ENTREP2: variants seen among roughly 807,000 people sequenced by gnomAD.
ENTREP2 encodes the protein protein ENTREP2.
the ENTREP2 span, among the ~76,000 whole-genome samples, chr15:29,369,264 A>T: frequency 6.6e-5 from 10 of 152,174 alleles, no homozygotes; most frequent in African/African-American, 2.2e-4. Flanking sequence ...ACTCAAAGAG[A>T]TCCATGCCTA....
chr15:29,190,108 CT>C, the ENTREP2 span, among the ~76,000 whole-genome samples: 1 of 152,188 alleles, frequency 6.6e-6, no homozygotes, highest in Non-Finnish European at 1.5e-5. Context: ...CCACCAGGAC[CT>C]GCTCAGGAAC....
chr15:29,235,128 C>T, the ENTREP2 span: 5 of 989,218 alleles, frequency 5.1e-6, no homozygotes, highest in Admixed American at 1.8e-5. Context: ...CAGGAGCCAC[C>T]CCGAGACATG....
At chr15:29,268,231 A>G in the ENTREP2 span, 1 of 152,338 alleles carries the variant, frequency 6.6e-6, no homozygotes, top group Non-Finnish European at 1.5e-5. Flanking sequence ...CGTGTTTAGC[A>G]GCAGAGCTGA....
the ENTREP2 span, among the ~76,000 whole-genome samples, chr15:29,219,623 AT>A: frequency 6.0e-5 from 1 of 16,712 alleles, no homozygotes; most frequent in African/African-American, 1.6e-4. Flanking sequence ...AAATATATAT[AT>A]ATATATATAT....
At chr15:29,123,739 G>C in the ENTREP2 span, 2 of 1,377,936 alleles carry the variant, frequency 1.5e-6, no homozygotes. Flanking sequence ...TGCTCGGGAG[G>C]AGCCTCCTGC....
chr15:29,224,833 G>A, the ENTREP2 span, among the ~76,000 whole-genome samples: 8 of 152,224 alleles, frequency 5.3e-5, no homozygotes, highest in Non-Finnish European at 8.8e-5. Flanking sequence ...ACTGGGCACC[G>A]TGGAGCAGGG....
the ENTREP2 span, among the ~76,000 whole-genome samples, chr15:29,231,895 T>C: frequency 7.2e-6 from 1 of 138,696 alleles, no homozygotes; most frequent in African/African-American, 2.5e-5. Flanking sequence ...CTTTTCTTTC[T>C]TTTTTTTTTT....
the ENTREP2 span, among the ~76,000 whole-genome samples, chr15:29,360,869 C>A: frequency 2.0e-5 from 3 of 152,234 alleles, no homozygotes; most frequent in African/African-American, 7.2e-5. Flanking sequence ...CCTGGACAGG[C>A]TGAGCCGCCT....
chr15:29,476,528 C>A, the ENTREP2 span, among the ~76,000 whole-genome samples: 1 of 152,210 alleles, frequency 6.6e-6, no homozygotes, highest in African/African-American at 2.4e-5. Flanking sequence ...CATCCCTCTT[C>A]GTGGTCCAGC....
the ENTREP2 span, among the ~76,000 whole-genome samples, chr15:29,635,967 T>C: frequency 6.6e-6 from 1 of 152,106 alleles, no homozygotes; most frequent in Non-Finnish European, 1.5e-5. Flanking sequence ...AGAACATAAA[T>C]CTATTTGACA....
At chr15:29,135,719 C>T in the ENTREP2 span, among the ~76,000 whole-genome samples, 2 of 152,224 alleles carry the variant, frequency 1.3e-5, no homozygotes, top group South Asian at 4.1e-4. This position sits in a 1 kb window ranked among gnomAD's most constrained non-coding sequence, Gnocchi z 7.4. Context: ...ACGTGTCAGG[C>T]ACCATGAGGC....
At chr15:29,452,584 T>C in the ENTREP2 span, 1 of 129,396 alleles carries the variant, frequency 7.7e-6, no homozygotes, top group Non-Finnish European at 1.8e-5. Flanking sequence ...CTCTGAGTCC[T>C]AAGTGCAGAT....
At chr15:29,382,772 A>G in the ENTREP2 span, among the ~76,000 whole-genome samples, 1 of 152,014 alleles carries the variant, frequency 6.6e-6, no homozygotes, top group Non-Finnish European at 1.5e-5. Flanking sequence ...ACTGGCTCTG[A>G]TCCCCACATT....
the ENTREP2 span, among the ~76,000 whole-genome samples, chr15:29,433,823 C>G: frequency 6.6e-6 from 1 of 150,920 alleles, no homozygotes. Context: ...GCCCTAGGAT[C>G]TGTGCATTCT....
chr15:29,606,201 G>A, the ENTREP2 span, among the ~76,000 whole-genome samples: 11 of 150,330 alleles, frequency 7.3e-5, no homozygotes, highest in Admixed American at 4.0e-4. Flanking sequence ...TGGGCTAGTC[G>A]AATTTCCCAT....
chr15:29,390,640 G>A, the ENTREP2 span, among the ~76,000 whole-genome samples: 2 of 152,174 alleles, frequency 1.3e-5, no homozygotes, highest in Non-Finnish European at 2.9e-5. Context: ...GGAAATAATG[G>A]CATCCTTAGA....
the ENTREP2 span, among the ~76,000 whole-genome samples, chr15:29,484,803 A>C: frequency 6.6e-6 from 1 of 152,252 alleles, no homozygotes; most frequent in Admixed American, 6.5e-5. Context: ...CTTAAGTCAC[A>C]AAGTATCTAT....
At chr15:29,570,423 G>A in the ENTREP2 span, 3 of 949,170 alleles carry the variant, frequency 3.2e-6, no homozygotes, top group South Asian at 1.5e-4. Context: ...CGCCCGCGGT[G>A]GCGTCCCGGC....
chr15:29,525,376 T>C, the ENTREP2 span, among the ~76,000 whole-genome samples: 22 of 152,376 alleles, frequency 1.4e-4, no homozygotes, highest in African/African-American at 5.3e-4. Flanking sequence ...AATATACAAC[T>C]GTTTACTGGA....
Sources: gnomAD v4.1 joint callset for allele counts (sites outside exome capture counted in the v4.1 genomes callset) on GRCh38, gnomAD v4.1.1 for gene constraint, Gnocchi (gnomAD v3.1) non-coding constraint, MANE v1.5 for transcripts, NCBI Gene and HGNC (gene_info 2026-07-23, HGNC 2026-07-21) for gene names.